The following SNTG1 variants were observed in gnomAD, a reference collection of about 807,000 sequenced individuals.
SNTG1 encodes syntrophin gamma 1.
SNTG1 carries 39 observed loss-of-function variants against 74.7 expected under a neutral mutation model. That is an observed-to-expected ratio of 0.52 (90% CI 0.40 to 0.68). The LOEUF (loss-of-function observed/expected upper bound fraction) is 0.68, where lower values mean the gene tolerates loss of function less well. Ranked by LOEUF, SNTG1 falls within the 30% of genes least tolerant of loss-of-function variation. The pLI, the probability that SNTG1 is intolerant of heterozygous loss-of-function variation, is 0.00. For synonymous variants in SNTG1, 254 were observed against 217.1 expected, an observed-to-expected ratio of 1.17 and a Z score of -1.49; for missense variants, 685 against 609.5, an observed-to-expected ratio of 1.12 and a Z score of -1.30.
intron 8 of SNTG1, among the ~76,000 whole-genome samples, chr8:50,498,680 G>A (rs192733328): frequency 4.2e-4 from 64 of 151,832 alleles, no homozygotes; most frequent in Admixed American, 2.1e-3. Context: ...ATGCCACAAC[G>A]GTTTTCTCCA....
rs554081129 is a variant in SNTG1 at position 50,691,771 on chromosome 8, A to T, written c.1039-12829A>T. ...GGAGTATCTTTGTTACATTCTCTGT[A>T]TTTCCTGAATTTGAATGTTGGCCTG... On this transcript the variant is annotated intron_variant, in intron 15 of 18. Transcript: ENST00000642720. Among the ~76,000 whole-genome samples the T allele has an allele frequency of 2.3e-4, 35 of 152,246 alleles. 1 individual carries two copies. The highest frequency in any genetic ancestry group is 3.4e-3 in the Middle Eastern group (1 of 294).
intron 2 of SNTG1, among the ~76,000 whole-genome samples, chr8:50,327,113 C>G (rs1312548954): frequency 1.3e-5 from 2 of 151,970 alleles, no homozygotes; most frequent in African/African-American, 4.8e-5. Flanking sequence ...GGCCCAGAAT[C>G]TGGTCTAACT....
chr8:50,743,574 G>T (rs1300320831), intron 17 of SNTG1, among the ~76,000 whole-genome samples: 1 of 145,620 alleles, frequency 6.9e-6, no homozygotes, highest in Admixed American at 6.6e-5. Context: ...CCTAAATCAG[G>T]AACAAGAATA....
chr8:50,107,478 T>C (rs1286812315), intron 1 of SNTG1, among the ~76,000 whole-genome samples: 1 of 152,168 alleles, frequency 6.6e-6, no homozygotes, highest in Non-Finnish European at 1.5e-5. Flanking sequence ...TTGCTTTCAC[T>C]TTTTTTAAAA....
chr8:50,508,649 T>G (rs1044649594), intron 9 of SNTG1, among the ~76,000 whole-genome samples: 1 of 152,252 alleles, frequency 6.6e-6, no homozygotes, highest in African/African-American at 2.4e-5. Context: ...GTGGTTTTGA[T>G]TTGCATTTCT....
chr8:50,121,159 C>T lies in SNTG1; in HGVS notation c.-102-51402C>T, dbSNP rs957004876. Among the ~76,000 whole-genome samples, 9 of 142,392 alleles carry T rather than the reference C, an allele frequency of 6.3e-5. 2 individuals are homozygous for T. The East Asian group carries it at 8.0e-4, about 13-fold the overall frequency. 93.4% of individuals were successfully genotyped at this position (142,392 alleles called of 152,430 possible). A position where few individuals can be genotyped will look rare whatever the true frequency, so the allele number is the denominator to read the frequency against. ...TCTCTCAAGACCATTATTTTTTATA[C>T]GTAAGTGCCTCTGAATATAACAACA... On this transcript the variant is annotated intron_variant, in intron 1 of 18. Transcript: ENST00000642720.
chr8:50,649,314 A>G (rs2095129718), intron 13 of SNTG1, among the ~76,000 whole-genome samples: 1 of 152,146 alleles, frequency 6.6e-6, no homozygotes, highest in Non-Finnish European at 1.5e-5. Flanking sequence ...CCTGGCCAAC[A>G]TGGTGAAACC....
At chr8:50,679,543 G>A (rs2095322956) in intron 15 of SNTG1, among the ~76,000 whole-genome samples, 1 of 152,122 alleles carries the variant, frequency 6.6e-6, no homozygotes, top group Non-Finnish European at 1.5e-5. Flanking sequence ...TAAATTGCTT[G>A]TGGAATAAAT....
At chr8:50,467,284 ACT>A (rs1181814225) in intron 8 of SNTG1, among the ~76,000 whole-genome samples, 1 of 151,766 alleles carries the variant, frequency 6.6e-6, no homozygotes, top group Non-Finnish European at 1.5e-5. Context: ...TACTAACGAA[ACT>A]CTAGATTTCG....
intron 12 of SNTG1, among the ~76,000 whole-genome samples, chr8:50,580,301 T>A (rs1268934865): frequency 1.3e-5 from 2 of 152,212 alleles, no homozygotes; most frequent in African/African-American, 4.8e-5. Flanking sequence ...TTGCTTTTGA[T>A]TTCACAGGGT....
rs531086866 is a variant in SNTG1 at position 50,251,761 on chromosome 8, G to GT, written c.-28+79127dup. 2.8e-3 allele frequency among the ~76,000 whole-genome samples: 425 copies of GT among 152,056 alleles called. 4 individuals carry two copies. The highest frequency in any genetic ancestry group is 9.5e-3 in the African/African-American group (394 of 41,510). On this transcript the variant is annotated intron_variant, in intron 2 of 18. Transcript: ENST00000642720. ...AGAGTTAGATAGAAATATAATAATG[G>GT]TAAGAGACTTCAGCTTCACATTTTC... is the stretch of plus-strand genomic sequence containing the variant.
chr8:50,228,405 G>A (rs2085450911), intron 2 of SNTG1, among the ~76,000 whole-genome samples: 1 of 151,812 alleles, frequency 6.6e-6, no homozygotes, highest in Non-Finnish European at 1.5e-5. Context: ...ATTAGTGACA[G>A]ATACCAAACC....
At chr8:50,665,511 A>G (rs1008893801) in intron 15 of SNTG1, among the ~76,000 whole-genome samples, 2 of 152,002 alleles carry the variant, frequency 1.3e-5, no homozygotes, top group African/African-American at 2.4e-5. Context: ...CAAGGAGCAC[A>G]CTCAGCAAAG....
At chr8:50,101,946 T>A (rs1481763705) in intron 1 of SNTG1, among the ~76,000 whole-genome samples, 1 of 152,118 alleles carries the variant, frequency 6.6e-6, no homozygotes, top group Non-Finnish European at 1.5e-5. Context: ...ATTTTCTTAA[T>A]CCAGTCTATC....
intron 2 of SNTG1, among the ~76,000 whole-genome samples, chr8:50,212,375 G>A (rs573034469): frequency 1.6e-4 from 24 of 152,114 alleles, no homozygotes; most frequent in Non-Finnish European, 2.9e-4. Flanking sequence ...ATTGCCTCTA[G>A]GAGAAATTGC....
At chr8:50,765,412 A>C (rs1399349217) in intron 18 of SNTG1, among the ~76,000 whole-genome samples, 1 of 151,668 alleles carries the variant, frequency 6.6e-6, no homozygotes, top group African/African-American at 2.4e-5. Context: ...TGTTTGGGGG[A>C]TATGACACAG....
chr8:50,518,172 A>G (rs1443384530), intron 9 of SNTG1, among the ~76,000 whole-genome samples: 1 of 152,222 alleles, frequency 6.6e-6, no homozygotes, highest in African/African-American at 2.4e-5. Context: ...CCACACAACT[A>G]CATGGAAAAT....
At chr8:50,135,178 G>A (rs2081433455) in intron 1 of SNTG1, among the ~76,000 whole-genome samples, 1 of 152,118 alleles carries the variant, frequency 6.6e-6, no homozygotes, top group Admixed American at 6.6e-5. Context: ...AAAGTCAATT[G>A]ATCTTCACGG....
intron 14 of SNTG1, 152 bp downstream of exon 14, chr8:50,657,177 A>G: frequency 2.4e-6 from 1 of 422,624 alleles, no homozygotes; most frequent in African/African-American, 2.1e-5. Flanking sequence ...ACTTACTAAA[A>G]TATATATTCT....
Sources: gnomAD v4.1 joint callset for allele counts (sites outside exome capture counted in the v4.1 genomes callset) on GRCh38, gnomAD v4.1.1 for gene constraint, MANE v1.5 for transcripts, NCBI Gene and HGNC (gene_info 2026-07-23, HGNC 2026-07-21) for gene names.